The following SMCHD1 variants were observed in gnomAD, a reference collection of about 807,000 sequenced individuals.
The protein encoded by SMCHD1 is structural maintenance of chromosomes flexible hinge domain-containing protein 1.
SMCHD1 carries 78 observed loss-of-function variants against 254.7 expected under a neutral mutation model. The observed-to-expected ratio is 0.31, with a 90% CI of 0.26 to 0.37. The LOEUF (loss-of-function observed/expected upper bound fraction) is 0.37. SMCHD1 is among the 10% of genes least tolerant of loss of function. The pLI is 1.00. For synonymous variants in SMCHD1, 766 were observed against 794.9 expected (o/e 0.96, Z 0.61); for missense variants, 1,840 against 2,408.1 (o/e 0.76, Z 4.94).
Position 2,757,689 on chromosome 18 carries a change from A to G in SMCHD1, c.4347-2963A>G, listed in dbSNP as rs965312060. Among the ~76,000 whole-genome samples, 4 of 152,168 alleles carry G rather than the reference A, an allele frequency of 2.6e-5. No individual in the cohort carries two copies. In the East Asian group the frequency reaches 7.7e-4, roughly 29 times the overall value. On this transcript the variant is annotated intron_variant, in intron 34 of 47. Coordinates refer to ENST00000320876, the MANE Select transcript of SMCHD1 (RefSeq NM_015295.3). ...CAATTTTTGTATATGTTCCAAATAT[A>G]CTAGATAATAATGTGATTTTTGCAT...
intron 17 of SMCHD1, among the ~76,000 whole-genome samples, chr18:2,708,900 ATAT>A (rs2074592466): frequency 1.4e-5 from 1 of 73,986 alleles, no homozygotes; most frequent in Non-Finnish European, 2.4e-5. Context: ...ATATATATAT[ATAT>A]ATATAACATA....
At position 2,762,074 on chromosome 18, in the gene SMCHD1, G is replaced by T. The variant is rs566727170; in HGVS notation, c.4435-31G>T. Reference sequence around the variant, plus strand: ...TTAAATGCTAAAGCATCAATATATTGTTAATCAGAATGTCTCTTTTGTTTT... The same window carrying T: ...TTAAATGCTAAAGCATCAATATATTTTTAATCAGAATGTCTCTTTTGTTTT... On this transcript the variant is annotated intron_variant, in intron 35 of 47. Coordinates refer to ENST00000320876, the MANE Select transcript of SMCHD1 (RefSeq NM_015295.3). 2.1e-5 allele frequency: 34 copies of T among 1,599,988 alleles called. No homozygotes were observed. In the African/African-American group the frequency reaches 3.9e-4, roughly 18 times the overall value.
chr18:2,711,443 A>G (rs1361165229), intron 17 of SMCHD1, among the ~76,000 whole-genome samples: 2 of 150,736 alleles, frequency 1.3e-5, no homozygotes, highest in Non-Finnish European at 2.9e-5. Flanking sequence ...TCCAAGAGTA[A>G]ATCTCACTTG....
chr18:2,704,009 T>A (rs769224792), intron 13 of SMCHD1, 123 bp downstream of exon 13: 104 of 689,624 alleles, frequency 1.5e-4, no homozygotes, highest in Non-Finnish European at 2.1e-4. Context: ...CATTCTCACA[T>A]TTCATGAAGA....
At position 2,761,192 on chromosome 18, in the gene SMCHD1, G is replaced by C. The variant is rs1351071941; in HGVS notation, c.4434+453G>C. 5.3e-5 allele frequency among the ~76,000 whole-genome samples: 8 copies of C among 152,284 alleles called. No homozygotes were observed. In the East Asian group the frequency reaches 1.5e-3, roughly 29 times the overall value. On this transcript the variant is annotated intron_variant, in intron 35 of 47. Coordinates refer to ENST00000320876, the MANE Select transcript of SMCHD1 (RefSeq NM_015295.3). ...AACCAAATACTGCATGTTCTCCCTT[G>C]CAAGTGGGAGCTAAACATTGGGTAC...
chr18:2,792,564 G>A (rs1353833153), intron 45 of SMCHD1, among the ~76,000 whole-genome samples: 2 of 152,224 alleles, frequency 1.3e-5, no homozygotes, highest in Admixed American at 1.3e-4. Flanking sequence ...CATGTCCCAT[G>A]AGGAAAAGGA....
At chr18:2,796,639 G>A in intron 47 of SMCHD1, 118 bp downstream of exon 47, 2 of 716,696 alleles carry the variant, frequency 2.8e-6, no homozygotes, top group Non-Finnish European at 4.7e-6. Context: ...AGAGTGCAGT[G>A]GCACAATCTT....
intron 1 of SMCHD1, among the ~76,000 whole-genome samples, chr18:2,658,086 G>A (rs1001949717): frequency 2.6e-5 from 4 of 152,034 alleles, no homozygotes; most frequent in African/African-American, 9.7e-5. Flanking sequence ...TGCACCCAGT[G>A]GAAAAACATC....
At chr18:2,700,379 G>A (rs1171176440) in intron 10 of SMCHD1, among the ~76,000 whole-genome samples, 160 bp from the exon 11 acceptor site, 2 of 152,152 alleles carry the variant, frequency 1.3e-5, no homozygotes, top group East Asian at 1.9e-4. Context: ...GACAGCATTC[G>A]TAATGTGGAA....
chr18:2,703,861 G>T lies in SMCHD1; in HGVS notation c.1817G>T (p.Gly606Val). Residue 606 changes from glycine to valine, a missense_variant, in exon 13 of 48, where the codon GGA becomes GTA. Physicochemically the swap from Gly to Val is moderately radical, Grantham distance 109 (BLOSUM62 -3). Coordinates refer to ENST00000320876, the MANE Select transcript of SMCHD1 (RefSeq NM_015295.3). ...WATYAAIEWD[G>V]KIYKAGQLVK... ...ACATATGCAGCAATAGAATGGGATG[G>T]AAAGATATACAAAGCAGGACAGCTG... 6.2e-7 allele frequency: 1 copy of T among 1,608,142 alleles called. No homozygotes were observed.
In SMCHD1 at chr18:2,729,709, C is replaced by CTTT. The variant is rs72203094; in HGVS notation, c.3048+312_3048+314dup. Among the ~76,000 whole-genome samples, 27,628 of 140,266 alleles carry CTTT rather than the reference C, an allele frequency of 0.2. 2,857 individuals carry two copies. Among genetic ancestry groups the CTTT allele is most frequent in the South Asian group, 0.27 (1,231 of 4,516 alleles). 92.0% of individuals were successfully genotyped at this position (140,266 alleles called of 152,430 possible). A position where few individuals can be genotyped will look rare whatever the true frequency, so the allele number is the denominator to read the frequency against. ...TAAAATACATAATTTTATTCTTTCG[C>CTTT]TTTTTTTTTTTTTTAAAGAGATAGG... On this transcript the variant is annotated intron_variant, in intron 24 of 47. Transcript: ENST00000320876.
At chr18:2,739,639 G>C (rs2075311560) in intron 27 of SMCHD1, 119 bp downstream of exon 27, 3 of 677,678 alleles carry the variant, frequency 4.4e-6, no homozygotes, top group Non-Finnish European at 7.5e-6. Context: ...TAATGTTACT[G>C]ATATAAAATC....
intron 5 of SMCHD1, among the ~76,000 whole-genome samples, chr18:2,682,355 C>T (rs2073951965): frequency 6.6e-6 from 1 of 151,140 alleles, no homozygotes. Context: ...AGACAGAGTC[C>T]CACCTCTCAG....
chr18:2,716,434 G>A (rs2074801225), intron 17 of SMCHD1, among the ~76,000 whole-genome samples: 1 of 152,176 alleles, frequency 6.6e-6, no homozygotes, highest in African/African-American at 2.4e-5. Flanking sequence ...GCATTTATGG[G>A]TTACCTTTGT....
chr18:2,742,864 A>T (rs1490835860), intron 28 of SMCHD1, among the ~76,000 whole-genome samples: 1 of 151,988 alleles, frequency 6.6e-6, no homozygotes, highest in Non-Finnish European at 1.5e-5. Flanking sequence ...TTTTGTAGAG[A>T]CGGGGTCTTA....
intron 45 of SMCHD1, among the ~76,000 whole-genome samples, chr18:2,793,614 A>G (rs62077722): frequency 0.096 from 14,110 of 146,238 alleles, 848 homozygotes; most frequent in South Asian, 0.17. Context: ...GCAGTGAGCC[A>G]AGATCGCGCC....
intron 29 of SMCHD1, among the ~76,000 whole-genome samples, chr18:2,744,217 C>T (rs1409959666): frequency 6.6e-6 from 1 of 152,100 alleles, no homozygotes; most frequent in Non-Finnish European, 1.5e-5. Context: ...GTGTAGCAAA[C>T]TCCCATGTGC....
At chr18:2,759,571 CTTTTTTT>C (rs61159403) in intron 34 of SMCHD1, among the ~76,000 whole-genome samples, 971 of 69,538 alleles carry the variant, frequency 0.014, 32 homozygotes, top group African/African-American at 0.044. Flanking sequence ...TTAATTCTCT[CTTTTTTT>C]TTTTTTTTTG....
rs1183691837 is a variant in SMCHD1, at chr18:2,698,059, C to T, written c.1342+18C>T. Reference sequence around the variant, plus strand: ...TCCATCAAGTATGTTAATCTGTTATCTTAGTTATAAAATATGAAGTTGTAA... The same window carrying T: ...TCCATCAAGTATGTTAATCTGTTATTTTAGTTATAAAATATGAAGTTGTAA... On this transcript the variant is annotated intron_variant, in intron 10 of 47. Coordinates refer to ENST00000320876, the MANE Select transcript of SMCHD1 (RefSeq NM_015295.3). 13 of 1,563,826 alleles carry T rather than the reference C, an allele frequency of 8.3e-6. No individual in the cohort carries two copies. The highest frequency in any genetic ancestry group is 1.4e-5 in the African/African-American group (1 of 73,780).
Sources: allele counts gnomAD v4.1 joint callset (sites outside exome capture counted in the v4.1 genomes callset), GRCh38; gene constraint gnomAD v4.1.1; transcripts MANE v1.5; gene names NCBI Gene and HGNC (gene_info 2026-07-23, HGNC 2026-07-21).